VPS13B: variants seen among roughly 807,000 people sequenced by gnomAD.
VPS13B encodes the protein vacuolar protein sorting 13 homolog B.
A neutral mutation model predicts 426.4 loss-of-function variants in VPS13B; 285 were observed. The observed-to-expected ratio is 0.67, with a 90% CI of 0.61 to 0.74. The LOEUF (loss-of-function observed/expected upper bound fraction) is 0.74. VPS13B is among the 30% of genes least tolerant of loss of function. The pLI is 0.00. For synonymous variants in VPS13B, 1,676 were observed against 1,676.4 expected (o/e 1.00, Z 0.01); for missense variants, 4,537 against 4,782.6 (o/e 0.95, Z 1.51).
At chr8:99,844,240 AG>A (rs957948847) in intron 54 of VPS13B, among the ~76,000 whole-genome samples, 2 of 152,152 alleles carry the variant, frequency 1.3e-5, no homozygotes, top group Admixed American at 1.3e-4. Flanking sequence ...TCTGGAGTCT[AG>A]GAAGTCCAAC....
intron 40 of VPS13B, among the ~76,000 whole-genome samples, chr8:99,769,206 A>T (rs904812403): frequency 6.6e-6 from 1 of 152,204 alleles, no homozygotes; most frequent in African/African-American, 2.4e-5. Context: ...TTCACAATTT[A>T]TCTCACTTTA....
chr8:99,383,933 GT>G (rs1186471047), intron 19 of VPS13B, among the ~76,000 whole-genome samples: 1 of 152,252 alleles, frequency 6.6e-6, no homozygotes, highest in East Asian at 1.9e-4. Context: ...TTGAATACAA[GT>G]TTTTGTGTGG....
intron 35 of VPS13B, among the ~76,000 whole-genome samples, chr8:99,688,891 G>C (rs947920459): frequency 6.6e-6 from 1 of 152,030 alleles, no homozygotes; most frequent in African/African-American, 2.4e-5. Flanking sequence ...TGGTAAAACA[G>C]GTTATGGGAA....
intron 43 of VPS13B, among the ~76,000 whole-genome samples, chr8:99,801,882 G>A (rs1340447282): frequency 6.6e-6 from 1 of 152,152 alleles, no homozygotes; most frequent in Non-Finnish European, 1.5e-5. Context: ...AGGTACAGTG[G>A]TGCATGTCTG....
chr8:99,643,377 A>G (rs1220721576), intron 34 of VPS13B, among the ~76,000 whole-genome samples: 1 of 152,192 alleles, frequency 6.6e-6, no homozygotes, highest in Non-Finnish European at 1.5e-5. Context: ...CAGACAATGT[A>G]TCTAATCTGG....
chr8:99,366,366 A>G (rs941108835), intron 19 of VPS13B, among the ~76,000 whole-genome samples: 1 of 151,946 alleles, frequency 6.6e-6, no homozygotes, highest in Non-Finnish European at 1.5e-5. Flanking sequence ...TAAAGTTTTT[A>G]TCTTGAAATG....
intron 19 of VPS13B, among the ~76,000 whole-genome samples, chr8:99,382,623 G>GT (rs568116476): frequency 5.3e-5 from 8 of 152,142 alleles, no homozygotes; most frequent in Non-Finnish European, 1.0e-4. Flanking sequence ...CAACTTGACA[G>GT]TTGTTAGTGT....
chr8:99,335,057 G>A (rs1457536055), intron 19 of VPS13B, among the ~76,000 whole-genome samples: 1 of 152,178 alleles, frequency 6.6e-6, no homozygotes, highest in African/African-American at 2.4e-5. Context: ...TCTATTCAGA[G>A]ATTCAACTTC....
At chr8:99,212,664 T>TCTTCCTACCTTCC (rs1187334776) in intron 17 of VPS13B, among the ~76,000 whole-genome samples, 13 of 152,118 alleles carry the variant, frequency 8.5e-5, no homozygotes, top group Admixed American at 3.3e-4. Context: ...GGTCTTTTTC[T>TCTTCCTACCTTCC]CTTCTTCTTC....
At chr8:99,551,485 C>T (rs1342859668) in intron 30 of VPS13B, among the ~76,000 whole-genome samples, 2 of 151,816 alleles carry the variant, frequency 1.3e-5, no homozygotes, top group Non-Finnish European at 2.9e-5. Context: ...ATTTATGCTG[C>T]TTATTATGTT....
chr8:99,108,010 T>G lies in VPS13B; in HGVS notation c.581-3088T>G, dbSNP rs541856107. On this transcript the variant is annotated intron_variant, in intron 5 of 61. Transcript: ENST00000357162. ...CTTACCTTGCTCCCACCCTCCACCC[T>G]CAAGTAGGCCTTGGTATTTATTGTT... Among the ~76,000 whole-genome samples the G allele has an allele frequency of 2.6e-5, 4 of 152,282 alleles. No homozygotes were observed. The South Asian group carries it at 8.3e-4, about 32-fold the overall frequency.
At chr8:99,596,192 T>TC (rs1827003338) in intron 33 of VPS13B, among the ~76,000 whole-genome samples, 1 of 151,836 alleles carries the variant, frequency 6.6e-6, no homozygotes, top group Non-Finnish European at 1.5e-5. Flanking sequence ...TGCTGTAAGT[T>TC]CTTTTTTTTT....
chr8:99,282,159 T>A (rs1819204319), intron 19 of VPS13B, among the ~76,000 whole-genome samples: 1 of 152,224 alleles, frequency 6.6e-6, no homozygotes, highest in Non-Finnish European at 1.5e-5. Context: ...CTTTCTTCCC[T>A]GCACATGGTT....
At chr8:99,027,430 A>G (rs1323642261) in intron 2 of VPS13B, among the ~76,000 whole-genome samples, 1 of 151,016 alleles carries the variant, frequency 6.6e-6, no homozygotes, top group Non-Finnish European at 1.5e-5. Context: ...TCATTTGTGA[A>G]TCTGCTTCAT....
chr8:99,832,044 T>C (rs989855887), intron 51 of VPS13B, among the ~76,000 whole-genome samples: 1 of 152,122 alleles, frequency 6.6e-6, no homozygotes, highest in African/African-American at 2.4e-5. Flanking sequence ...GCGGATCACT[T>C]GAGGTCAGGA....
intron 25 of VPS13B, among the ~76,000 whole-genome samples, chr8:99,498,300 A>T (rs984355634): frequency 6.6e-6 from 1 of 152,144 alleles, no homozygotes; most frequent in African/African-American, 2.4e-5. Flanking sequence ...ACATTTTACT[A>T]TTAAAACATT....
chr8:99,095,646 A>G (rs189108009), intron 3 of VPS13B, among the ~76,000 whole-genome samples: 4 of 152,338 alleles, frequency 2.6e-5, no homozygotes, highest in South Asian at 2.1e-4. Context: ...AAATCCAGCA[A>G]TTTGGCATGT....
intron 34 of VPS13B, among the ~76,000 whole-genome samples, chr8:99,656,689 C>T (rs950130021): frequency 6.6e-6 from 1 of 152,110 alleles, no homozygotes; most frequent in African/African-American, 2.4e-5. Flanking sequence ...GAACTTGAGC[C>T]GTTTCTCTGG....
At chr8:99,671,938 A>G (rs1777275346) in intron 35 of VPS13B, among the ~76,000 whole-genome samples, 1 of 152,076 alleles carries the variant, frequency 6.6e-6, no homozygotes. Flanking sequence ...TAGCTAATAC[A>G]TGGATTTCTT....
Sources: allele counts gnomAD v4.1 joint callset (sites outside exome capture counted in the v4.1 genomes callset), GRCh38; gene constraint gnomAD v4.1.1; transcripts MANE v1.5; gene names NCBI Gene and HGNC (gene_info 2026-07-23, HGNC 2026-07-21).